PPP4R3B: variants seen among roughly 807,000 people sequenced by gnomAD.
The protein encoded by PPP4R3B is serine/threonine-protein phosphatase 4 regulatory subunit 3B.
PPP4R3B carries 52 observed loss-of-function variants against 95.4 expected under a neutral mutation model. The ratio of observed to expected loss-of-function variants is 0.54; its 90% CI spans 0.44 to 0.69. PPP4R3B has a LOEUF of 0.69. PPP4R3B is among the 30% of genes least tolerant of loss of function. PPP4R3B has a pLI of 0.00. For synonymous variants in PPP4R3B, 407 were observed against 343.9 expected (o/e 1.18, Z -2.03); for missense variants, 1,003 against 1,005.9 (o/e 1.00, Z 0.04).
chr2:55,596,749 G>A (rs904676767), intron 4 of PPP4R3B, among the ~76,000 whole-genome samples: 1 of 152,086 alleles, frequency 6.6e-6, no homozygotes, highest in Non-Finnish European at 1.5e-5. Flanking sequence ...GATCACCTGA[G>A]GTCAGGAGTT....
intron 15 of PPP4R3B, among the ~76,000 whole-genome samples, chr2:55,562,174 C>A (rs1344639379): frequency 6.6e-6 from 1 of 152,154 alleles, no homozygotes; most frequent in East Asian, 1.9e-4. Flanking sequence ...GTAATCCCAG[C>A]ACTTTGGGAG....
intron 2 of PPP4R3B, among the ~76,000 whole-genome samples, chr2:55,613,813 A>G (rs994842537): frequency 1.3e-5 from 2 of 149,570 alleles, no homozygotes; most frequent in Non-Finnish European, 2.9e-5. Flanking sequence ...ATATGGTAAA[A>G]AAAAAAAAAA....
intron 4 of PPP4R3B, among the ~76,000 whole-genome samples, chr2:55,597,671 C>T (rs1006460372): frequency 2.5e-4 from 37 of 150,314 alleles, no homozygotes; most frequent in African/African-American, 8.5e-4. Context: ...CGTGGAGGCA[C>T]ATGCCTGTAA....
chr2:55,605,434 A>G (rs976185412), intron 2 of PPP4R3B, among the ~76,000 whole-genome samples: 1 of 152,220 alleles, frequency 6.6e-6, no homozygotes, highest in Non-Finnish European at 1.5e-5. Context: ...GGCTTTAAAC[A>G]GTAAATGAAA....
At position 55,581,572 on chromosome 2, in the gene PPP4R3B, T is replaced by C. The variant is rs775396299; in HGVS notation, c.1360A>G (p.Thr454Ala). 3.1e-6 allele frequency: 5 copies of C among 1,611,324 alleles called. No individual in the cohort carries two copies. In the African/African-American group the frequency reaches 6.7e-5, roughly 22 times the overall value. ...LIDPENMLAT[T>A]NKTEKSEFLN... is the part of the protein sequence containing the mutation. ...ATCTCAGAGTAATTTCTTACATTAG[T>C]TGTAGCCAGCATGTTCTCTGGATCA... Residue 454 changes from threonine to alanine, a missense_variant, in exon 8 of 17, where the codon ACT (threonine) becomes GCT (alanine). Transcript: ENST00000616407.
intron 4 of PPP4R3B, among the ~76,000 whole-genome samples, chr2:55,591,224 C>T (rs1260561740): frequency 6.6e-6 from 1 of 151,558 alleles, no homozygotes; most frequent in Non-Finnish European, 1.5e-5. Flanking sequence ...GTAGCCTCGA[C>T]CTCCTGGACT....
At chr2:55,559,406 G>C (rs1686295253) in intron 15 of PPP4R3B, among the ~76,000 whole-genome samples, 1 of 152,036 alleles carries the variant, frequency 6.6e-6, no homozygotes, top group South Asian at 2.1e-4. Context: ...TGTTTCCTAA[G>C]AACTTTTGAA....
chr2:55,560,978 C>T (rs144566472), intron 15 of PPP4R3B, among the ~76,000 whole-genome samples: 1 of 152,112 alleles, frequency 6.6e-6, no homozygotes, highest in Non-Finnish European at 1.5e-5. Context: ...GAAATTCAAG[C>T]TGGCTGCAGA....
intron 16 of PPP4R3B, among the ~76,000 whole-genome samples, chr2:55,550,722 CTG>C (rs1215838100): frequency 1.3e-5 from 2 of 152,174 alleles, no homozygotes; most frequent in African/African-American, 4.8e-5. Flanking sequence ...ACTGTAAACA[CTG>C]TATTTAGTTC....
chr2:55,577,752 TA>T (rs1170336854), intron 10 of PPP4R3B, among the ~76,000 whole-genome samples: 1 of 152,092 alleles, frequency 6.6e-6, no homozygotes, highest in Non-Finnish European at 1.5e-5. Context: ...ATCTAATTTT[TA>T]AAAACAGAAA....
chr2:55,574,968 C>T (rs1688471559), intron 11 of PPP4R3B, among the ~76,000 whole-genome samples: 1 of 131,034 alleles, frequency 7.6e-6, no homozygotes, highest in Non-Finnish European at 1.6e-5. Context: ...GACGGAGTCT[C>T]ACTCTGTAGC....
chr2:55,558,597 ACT>A (rs1459199461), intron 16 of PPP4R3B, among the ~76,000 whole-genome samples, 176 bp downstream of exon 16: 1 of 152,082 alleles, frequency 6.6e-6, no homozygotes, highest in African/African-American at 2.4e-5. Context: ...ACAGAGTGAG[ACT>A]CTGTCTCAAA....
At chr2:55,590,315 G>A (rs937527482) in intron 4 of PPP4R3B, among the ~76,000 whole-genome samples, 2 of 152,046 alleles carry the variant, frequency 1.3e-5, no homozygotes, top group African/African-American at 4.8e-5. Context: ...CAACAAGAGT[G>A]AAACTCCGTC....
At chr2:55,552,950 T>A (rs1403117964) in intron 16 of PPP4R3B, among the ~76,000 whole-genome samples, 1 of 152,064 alleles carries the variant, frequency 6.6e-6, no homozygotes, top group African/African-American at 2.4e-5. Context: ...AGCTAGGCAG[T>A]AAAGGCACCA....
chr2:55,573,889 T>A, intron 11 of PPP4R3B, 112 bp from the exon 12 acceptor site: 3 of 540,102 alleles, frequency 5.6e-6, no homozygotes, highest in Non-Finnish European at 7.9e-6. Flanking sequence ...TTTCCTCCTT[T>A]TTTTTTTTTT....
intron 7 of PPP4R3B, among the ~76,000 whole-genome samples, chr2:55,583,927 C>T (rs1010576118): frequency 1.3e-5 from 2 of 152,144 alleles, no homozygotes; most frequent in South Asian, 2.1e-4. Context: ...ACAAGTGGAT[C>T]GCACATGGTG....
At chr2:55,551,319 C>G (rs762673479) in intron 16 of PPP4R3B, among the ~76,000 whole-genome samples, 2 of 150,548 alleles carry the variant, frequency 1.3e-5, no homozygotes, top group East Asian at 2.0e-4. Flanking sequence ...GCCTGGGCAA[C>G]AGAGCAAGAC....
rs755033982 is a variant in PPP4R3B at position 55,588,925 on chromosome 2, G to C, written c.953C>G (p.Ala318Gly). 1.2e-6 allele frequency: 2 copies of C among 1,609,100 alleles called. No homozygotes were observed. The highest frequency in any genetic ancestry group is 1.7e-6 in the Non-Finnish European group (2 of 1,177,220). The change falls in exon 5 of 17, where the codon GCA (alanine) becomes GGA (glycine). Residue 318 changes from alanine to glycine, a missense_variant. This residue lies in a region of PPP4R3B where 695 missense variants were observed against 686.2 expected (regional missense o/e 1.01). Coordinates refer to ENST00000616407, the MANE Select transcript of PPP4R3B (RefSeq NM_001122964.3). ...ATCTGTAGCCTCATCTGTTAATTGT[G>C]CAAAAACTTCAGACAAAAACTTCTC... ...EDEKFLSEVF[A>G]QLTDEATDDD...
At chr2:55,594,302 TA>T (rs35730010) in intron 4 of PPP4R3B, among the ~76,000 whole-genome samples, 82,290 of 123,774 alleles carry the variant, frequency 0.66, 24,499 homozygotes, top group Admixed American at 0.72. Context: ...GAATCTAAAA[TA>T]AAAAAAAAAA....
Sources: gnomAD v4.1 joint callset for allele counts (sites outside exome capture counted in the v4.1 genomes callset) on GRCh38, gnomAD v4.1.1 for gene constraint, gnomAD v4.1.1 regional missense constraint, MANE v1.5 for transcripts, NCBI Gene and HGNC (gene_info 2026-07-23, HGNC 2026-07-21) for gene names.